The following DRD3 variants were observed in gnomAD, a reference collection of about 807,000 sequenced individuals.
DRD3 encodes dopamine receptor D3.
A neutral mutation model predicts 36.3 loss-of-function variants in DRD3; 19 were observed. The ratio of observed to expected loss-of-function variants is 0.52; its 90% CI spans 0.36 to 0.77. The LOEUF is 0.77. Ranked by LOEUF, DRD3 falls within the 30% of genes least tolerant of loss-of-function variation. The pLI, the probability that DRD3 is intolerant of heterozygous loss-of-function variation, is 0.00. For missense variants in DRD3, 465 were observed against 505.3 expected, an observed-to-expected ratio of 0.92 and a Z score of 0.77; for synonymous variants, 195 against 203.7, an observed-to-expected ratio of 0.96 and a Z score of 0.36.
rs16822440 is a variant in DRD3, at chr3:114,194,073, C to T, written c.-156+5200G>A. ...CATAAAATATGGTCAAGGTGTCAAT[C>T]AGTTGCTATCCCTGCTTACCTCTAG... On this transcript the variant is annotated intron_variant, in intron 1 of 7. Transcript: ENST00000460779. Among the ~76,000 whole-genome samples the T allele has an allele frequency of 9.4e-3, 1,425 of 152,256 alleles. 41 individuals carry two copies. The highest frequency in any genetic ancestry group is 0.069 in the East Asian group (356 of 5,180).
At chr3:114,197,118 CT>C (rs1055135684) in intron 1 of DRD3, among the ~76,000 whole-genome samples, 467 of 140,708 alleles carry the variant, frequency 3.3e-3, no homozygotes, top group African/African-American at 3.7e-3. Context: ...TTACTTTTTC[CT>C]TTTTTTTTTT....
chr3:114,198,899 C>T (rs1195930583), intron 1 of DRD3, among the ~76,000 whole-genome samples: 3 of 152,192 alleles, frequency 2.0e-5, no homozygotes, highest in Non-Finnish European at 4.4e-5. Flanking sequence ...ACCACAATGC[C>T]AAGCTAATTT....
chr3:114,140,843 A>G (rs2077517660), intron 4 of DRD3, among the ~76,000 whole-genome samples: 1 of 152,106 alleles, frequency 6.6e-6, no homozygotes, highest in South Asian at 2.1e-4. Flanking sequence ...TCCAACCTCA[A>G]AGTTGGCCTT....
At chr3:114,156,380 T>A (rs556056877) in intron 3 of DRD3, among the ~76,000 whole-genome samples, 1 of 152,320 alleles carries the variant, frequency 6.6e-6, no homozygotes, top group Admixed American at 6.5e-5. Context: ...CTTGACAGCA[T>A]CTTTCTCCTG....
chr3:114,175,911 T>A (rs2077894105), intron 1 of DRD3: 1 of 152,250 alleles, frequency 6.6e-6, no homozygotes, highest in South Asian at 2.1e-4. Context: ...ATTCATTACA[T>A]ATAACACTAC....
At chr3:114,151,095 T>TC (rs2077612860) in intron 3 of DRD3, among the ~76,000 whole-genome samples, 2 of 152,172 alleles carry the variant, frequency 1.3e-5, no homozygotes, top group Non-Finnish European at 2.9e-5. Context: ...CTCTCTTAAA[T>TC]CCCCTCCTTG....
At chr3:114,151,102 C>T (rs542778960) in intron 3 of DRD3, among the ~76,000 whole-genome samples, 68 of 152,270 alleles carry the variant, frequency 4.5e-4, no homozygotes, top group African/African-American at 1.5e-3. Context: ...AAATCCCCTC[C>T]TTGGTTTATA....
Position 114,171,934 on chromosome 3 carries a change from G to C in DRD3, c.59C>G (p.Ser20Cys). Reference protein sequence around the residue: ...HLNYTCGAENSTGASQARPHA... With the variant: ...HLNYTCGAENCTGASQARPHA... ...TGGGCGGGCCTGGCTGGCACCTGTG[G>C]AGTTCTCTGCCCCACAGGTGTAGTT... is the stretch of plus-strand genomic sequence containing the variant. Residue 20 changes from serine (S) to cysteine (C), a missense_variant, in exon 2 of 7, where the codon TCC (serine) becomes TGC (cysteine). By Grantham distance (112) the Ser-to-Cys change is moderately radical. Coordinates refer to ENST00000383673, the MANE Select transcript of DRD3 (RefSeq NM_000796.6). 1 of 1,591,634 alleles carries C rather than the reference G, an allele frequency of 6.3e-7. No homozygotes were observed.
At chr3:114,164,220 CAAAAAAAAAAAAA>C (rs34500434) in intron 2 of DRD3, among the ~76,000 whole-genome samples, 59 of 17,782 alleles carry the variant, frequency 3.3e-3, no homozygotes, top group South Asian at 0.013. Flanking sequence ...GCCTCAGTCT[CAAAAAAAAAAAAA>C]AAAAAAAAAA....
intron 5 of DRD3, among the ~76,000 whole-genome samples, chr3:114,131,820 A>G (rs568138240): frequency 6.6e-6 from 1 of 152,268 alleles, no homozygotes; most frequent in Non-Finnish European, 1.5e-5. Context: ...AAAGCTTGTC[A>G]TCACTGGTCA....
chr3:114,135,814 T>C (rs2077469974), intron 5 of DRD3, among the ~76,000 whole-genome samples: 1 of 152,034 alleles, frequency 6.6e-6, no homozygotes, highest in Admixed American at 6.6e-5. Context: ...CTCAGCCTCC[T>C]GAGTAGCTGG....
In DRD3 at chr3:114,139,723, G is replaced by C. The variant is rs375352318; in HGVS notation, c.527-27C>G. 4 of 1,607,872 alleles carry C rather than the reference G, an allele frequency of 2.5e-6. No homozygotes were observed. In the African/African-American group the frequency reaches 5.3e-5, roughly 21 times the overall value. ...TGTGGATGAGAAGGGGGAAGGTAAA[G>C]CAGTTAGCAAGTATCAGAACTCAGT... On this transcript the variant is annotated intron_variant, in intron 4 of 6. Transcript: ENST00000383673.
intron 1 of DRD3, among the ~76,000 whole-genome samples, chr3:114,186,682 T>A (rs2077977330): frequency 6.6e-6 from 1 of 152,236 alleles, no homozygotes; most frequent in African/African-American, 2.4e-5. Flanking sequence ...ATTGCTATTA[T>A]GCTAAGAGCT....
intron 3 of DRD3, among the ~76,000 whole-genome samples, chr3:114,156,763 C>CTTTCTTTCTTACTTTCTTTCTT (rs1559991023): frequency 3.6e-4 from 37 of 102,054 alleles, no homozygotes; most frequent in African/African-American, 1.3e-3. Flanking sequence ...TTCTTTCTTT[C>CTTTCTTTCTTACTTTCTTTCTT]TTTCTTTCTT....
chr3:114,144,374 C>T (rs2077552941), intron 4 of DRD3, among the ~76,000 whole-genome samples: 1 of 152,184 alleles, frequency 6.6e-6, no homozygotes, highest in African/African-American at 2.4e-5. Flanking sequence ...TGCCCTCTCC[C>T]CCTTGATTTT....
At chr3:114,162,009 C>A (rs1387312044) in intron 2 of DRD3, among the ~76,000 whole-genome samples, 1 of 152,192 alleles carries the variant, frequency 6.6e-6, no homozygotes, top group Non-Finnish European at 1.5e-5. Flanking sequence ...TCAGTGTTTG[C>A]TGGATATTCA....
At chr3:114,195,189 A>G (rs898810961) in intron 1 of DRD3, among the ~76,000 whole-genome samples, 5 of 152,154 alleles carry the variant, frequency 3.3e-5, no homozygotes, top group Admixed American at 1.3e-4. Flanking sequence ...TACCAGTAAA[A>G]CATTTTCTTG....
chr3:114,173,418 C>T (rs1187657955), intron 1 of DRD3, among the ~76,000 whole-genome samples: 1 of 152,182 alleles, frequency 6.6e-6, no homozygotes, highest in Non-Finnish European at 1.5e-5. Context: ...CCTGTCTAGA[C>T]CACACTCAGG....
intron 5 of DRD3, among the ~76,000 whole-genome samples, chr3:114,136,503 G>A (rs2077476372): frequency 6.6e-6 from 1 of 152,086 alleles, no homozygotes; most frequent in Non-Finnish European, 1.5e-5. Context: ...CAGTCTCTTG[G>A]CTGTCTGATC....
Sources: allele counts gnomAD v4.1 joint callset (sites outside exome capture counted in the v4.1 genomes callset), GRCh38; gene constraint gnomAD v4.1.1; transcripts MANE v1.5; gene names NCBI Gene and HGNC (gene_info 2026-07-23, HGNC 2026-07-21).